Variants in ZC3H12B observed in about 807,000 individuals in gnomAD.
The protein encoded by ZC3H12B is probable ribonuclease ZC3H12B.
ZC3H12B carries 7 observed loss-of-function variants against 43.9 expected under a neutral mutation model. The observed-to-expected ratio is 0.16, with a 90% CI of 0.09 to 0.30. The LOEUF is 0.30. ZC3H12B is among the 10% of genes least tolerant of loss of function. The pLI is 1.00. For synonymous variants in ZC3H12B, 222 were observed against 241.7 expected (o/e 0.92, Z 0.76); for missense variants, 475 against 670.2 (o/e 0.71, Z 3.22).
the ZC3H12B span, among the ~76,000 whole-genome samples, chrX:65,345,686 C>A: frequency 9.0e-6 from 1 of 110,908 alleles, no homozygotes; most frequent in Non-Finnish European, 1.9e-5. Flanking sequence ...TGTACTCTGA[C>A]CTTAAAATAA....
intron 2 of ZC3H12B, among the ~76,000 whole-genome samples, chrX:65,371,731 A>T (rs1003933969): frequency 1.8e-5 from 2 of 112,244 alleles, no homozygotes; most frequent in African/African-American, 6.5e-5. Context: ...AAAGCCCTTT[A>T]ATATCATTTG....
upstream of ZC3H12B, among the ~76,000 whole-genome samples, chrX:65,363,979 C>T (rs1020718253): frequency 9.0e-6 from 1 of 111,163 alleles, no homozygotes; most frequent in Non-Finnish European, 1.9e-5. Context: ...CCACATTATT[C>T]CTGATACCAC....
intron 3 of ZC3H12B, among the ~76,000 whole-genome samples, chrX:65,419,349 A>T (rs749842756): frequency 8.9e-6 from 1 of 112,031 alleles, no homozygotes; most frequent in East Asian, 2.8e-4. Context: ...GGTGATTCGC[A>T]TTACATCCCA....
chrX:65,053,949 G>A, the ZC3H12B span, among the ~76,000 whole-genome samples: 2 of 105,862 alleles, frequency 1.9e-5, no homozygotes, highest in African/African-American at 6.7e-5. Flanking sequence ...ACTTTTTGAT[G>A]GGGTTGTTTG....
the ZC3H12B span, among the ~76,000 whole-genome samples, chrX:65,315,393 A>C: frequency 8.9e-6 from 1 of 111,896 alleles, no homozygotes; most frequent in Non-Finnish European, 1.9e-5. Flanking sequence ...TATATTTGAA[A>C]TGATAAAGTA....
At chrX:65,263,001 T>C in the ZC3H12B span, among the ~76,000 whole-genome samples, 26 of 110,927 alleles carry the variant, frequency 2.3e-4, no homozygotes, top group Admixed American at 6.8e-4. Context: ...TGAAGTCATA[T>C]AAACCTGAGT....
chrX:65,258,775 A>G, the ZC3H12B span, among the ~76,000 whole-genome samples: 3 of 111,824 alleles, frequency 2.7e-5, no homozygotes, highest in Non-Finnish European at 5.6e-5. Flanking sequence ...CACCAACAAT[A>G]TGCAAGATGA....
At chrX:65,148,872 A>C in the ZC3H12B span, among the ~76,000 whole-genome samples, 3 of 111,461 alleles carry the variant, frequency 2.7e-5, no homozygotes, top group African/African-American at 9.8e-5. Context: ...GCACTGGAAA[A>C]TTTTATTCCA....
At chrX:65,078,116 G>T in the ZC3H12B span, among the ~76,000 whole-genome samples, 2 of 112,057 alleles carry the variant, frequency 1.8e-5, no homozygotes, top group African/African-American at 6.5e-5. Context: ...AAAGTTAGTG[G>T]TGGCAGCATC....
At chrX:65,322,054 A>G in the ZC3H12B span, among the ~76,000 whole-genome samples, 1 of 111,454 alleles carries the variant, frequency 9.0e-6, no homozygotes, top group African/African-American at 3.3e-5. Context: ...AAAATCAAAA[A>G]CAGCAACAAC....
intron 3 of ZC3H12B, among the ~76,000 whole-genome samples, chrX:65,464,780 T>C (rs2067796405): frequency 9.0e-6 from 1 of 110,858 alleles, no homozygotes. Context: ...AGCACTGTTT[T>C]GCTGCATTTC....
At chrX:65,257,197 C>G in the ZC3H12B span, among the ~76,000 whole-genome samples, 6 of 112,060 alleles carry the variant, frequency 5.4e-5, no homozygotes, top group African/African-American at 2.0e-4. Flanking sequence ...AGACTTGGAA[C>G]CAACCCAAAT....
chrX:65,483,301 G>A (rs1285233705), intron 3 of ZC3H12B, among the ~76,000 whole-genome samples: 2 of 111,305 alleles, frequency 1.8e-5, no homozygotes, highest in Non-Finnish European at 3.8e-5. Flanking sequence ...CAAACAGATG[G>A]GTATAGTTGG....
chrX:65,035,078 C>T, the ZC3H12B span, among the ~76,000 whole-genome samples: 1 of 112,333 alleles, frequency 8.9e-6, no homozygotes, highest in South Asian at 3.7e-4. Flanking sequence ...GTGAAGTTGG[C>T]GGCGCCACGG....
At chrX:65,064,713 C>T in the ZC3H12B span, among the ~76,000 whole-genome samples, 5 of 111,604 alleles carry the variant, frequency 4.5e-5, no homozygotes, top group Non-Finnish European at 9.4e-5. Context: ...TTTTGTGTCT[C>T]GCTGATCTGT....
chrX:65,338,169 A>G, the ZC3H12B span, among the ~76,000 whole-genome samples: 1 of 111,233 alleles, frequency 9.0e-6, no homozygotes, highest in Admixed American at 9.6e-5. Context: ...AGCAGGTATT[A>G]TTCTTTCATT....
rs188746135 is a variant in ZC3H12B at position 65,427,885 on chromosome X, T to A, written n.407+29181T>A. Among the ~76,000 whole-genome samples, 6 of 111,931 alleles carry A rather than the reference T, an allele frequency of 5.4e-5. No homozygotes were observed. The East Asian group carries it at 1.7e-3, about 31-fold the overall frequency. On this transcript the variant is annotated intron_variant and non_coding_transcript_variant, in intron 3 of 5. Transcript: ENST00000617377. ...CACTGGTTTTTGTACTTCAGTGTGT[T>A]TTTGTAGTGGCTGGTAATGTTTTTC...
intron 3 of ZC3H12B, among the ~76,000 whole-genome samples, chrX:65,418,027 T>C (rs1290808488): frequency 8.9e-6 from 1 of 112,281 alleles, no homozygotes; most frequent in Non-Finnish European, 1.9e-5. Flanking sequence ...AGACCTGAAG[T>C]CTTTTAGAAT....
At chrX:65,349,447 T>C in the ZC3H12B span, among the ~76,000 whole-genome samples, 1 of 111,044 alleles carries the variant, frequency 9.0e-6, no homozygotes, top group Non-Finnish European at 1.9e-5. Flanking sequence ...ACATCAAAAT[T>C]TAAAGAACCA....
Sources: allele counts gnomAD v4.1 joint callset (sites outside exome capture counted in the v4.1 genomes callset), GRCh38; gene constraint gnomAD v4.1.1; transcripts MANE v1.5; gene names NCBI Gene and HGNC (gene_info 2026-07-23, HGNC 2026-07-21).